The following MILR1 variants were observed in gnomAD, a reference collection of about 807,000 sequenced individuals.
MILR1 encodes the protein mast cell immunoglobulin like receptor 1.
Under a neutral mutation model 18.5 loss-of-function variants are expected in MILR1, and 31 were observed. That is an observed-to-expected ratio of 1.68 (90% CI 1.26 to 2.26). The LOEUF (loss-of-function observed/expected upper bound fraction) is 2.26, where lower values mean the gene tolerates loss of function less well. Among genes scored for constraint, MILR1 ranks in the 30% most tolerant of loss-of-function variants. The pLI, the probability that MILR1 is intolerant of heterozygous loss-of-function variation, is 0.00. For synonymous variants in MILR1, 85 were observed against 56.2 expected (o/e 1.51, Z -2.30); for missense variants, 257 against 157.4 (o/e 1.63, Z -3.38).
chr17:64,464,149 T>TCTCA, intron 5 of MILR1, among the ~76,000 whole-genome samples: 1 of 125,690 alleles, frequency 8.0e-6, no homozygotes, highest in South Asian at 2.5e-4. Context: ...TGAGACAGGA[T>TCTCA]CTCACTTCCA....
At chr17:64,483,999 G>A in the MILR1 span, 1 of 152,280 alleles carries the variant, frequency 6.6e-6, no homozygotes, top group Admixed American at 6.5e-5. Flanking sequence ...ATAGGCGTGA[G>A]CCATTCAGCC....
chr17:64,455,809 G>A (rs1177002622), intron 3 of MILR1, among the ~76,000 whole-genome samples: 11 of 151,822 alleles, frequency 7.2e-5, no homozygotes, highest in Non-Finnish European at 1.6e-4. Flanking sequence ...GAGGTTGAGT[G>A]GGGGCAGATC....
At chr17:64,452,980 TGCGA>T in intron 3 of MILR1, 114 bp downstream of exon 3, 1 of 415,410 alleles carries the variant, frequency 2.4e-6, no homozygotes, top group Admixed American at 4.3e-5. Context: ...AGTATGTTAC[TGCGA>T]GCTTTATTCT....
At chr17:64,473,602 A>G (rs782631224), downstream of MILR1, among the ~76,000 whole-genome samples, 24 of 152,328 alleles carry the variant, frequency 1.6e-4, no homozygotes, top group Non-Finnish European at 2.1e-4. Context: ...TAGAAAAATT[A>G]GACACCTAAG....
Position 64,452,757 on chromosome 17 carries a change from G to A in MILR1, c.258G>A (p.Ala86=), listed in dbSNP as rs2037202272. The part of the protein sequence containing the change: ...LGTQDGKGEP[A]IFNLSITEAH... Reference sequence around the variant, plus strand: ...CCCAGGATGGAAAAGGTGAACCTGCGATTTTTAACCTAAGCATCACAGAAG... The same window carrying A: ...CCCAGGATGGAAAAGGTGAACCTGCAATTTTTAACCTAAGCATCACAGAAG... The change falls in exon 3 of 10, where the codon GCG becomes GCA. Residue 86 remains alanine, a synonymous_variant. Transcript: ENST00000619286. The A allele has an allele frequency of 2.1e-6, 1 of 475,144 alleles. No individual in the cohort carries two copies. Among genetic ancestry groups the A allele is most frequent in the African/African-American group, 2.0e-5 (1 of 50,482 alleles). 29.4% of individuals were successfully genotyped at this position (475,144 alleles called of 1,614,324 possible). A position where few individuals can be genotyped will look rare whatever the true frequency, so the allele number is the denominator to read the frequency against.
the MILR1 span, chr17:64,497,185 T>C: frequency 3.2e-6 from 2 of 620,210 alleles, no homozygotes; most frequent in Admixed American, 2.7e-5. Flanking sequence ...GGTTCTCTGC[T>C]AGCTTGCCGT....
the MILR1 span, chr17:64,496,436 G>T: frequency 6.3e-7 from 1 of 1,587,892 alleles, no homozygotes; most frequent in Non-Finnish European, 8.6e-7. Flanking sequence ...TAGTTTCCCA[G>T]AAGTTTTTAA....
At chr17:64,451,736 G>C (rs57000341) in intron 2 of MILR1, among the ~76,000 whole-genome samples, 56,600 of 151,354 alleles carry the variant, frequency 0.37, 10,866 homozygotes, top group Middle Eastern at 0.58. Context: ...AGTTCAAGAC[G>C]AGCCTGGACA....
the MILR1 span, among the ~76,000 whole-genome samples, chr17:64,475,287 A>G: frequency 6.6e-6 from 1 of 152,092 alleles, no homozygotes; most frequent in Non-Finnish European, 1.5e-5. Context: ...ATAATCCAGC[A>G]TTTATCCTAC....
chr17:64,488,476 G>A, the MILR1 span, among the ~76,000 whole-genome samples: 1 of 152,052 alleles, frequency 6.6e-6, no homozygotes, highest in Non-Finnish European at 1.5e-5. Context: ...GCAGAGGCAG[G>A]AGAACAGCTT....
At position 64,466,606 on chromosome 17, in the gene MILR1, C is replaced by T; in HGVS notation, c.923C>T (p.Ser308Phe). Residue 308 changes from serine to phenylalanine, a missense_variant, in exon 8 of 10, where the codon TCC becomes TTC. Coordinates refer to ENST00000619286, the MANE Select transcript of MILR1 (RefSeq NM_001085423.2). ...ATCTTTTGCCCAGAGGCCAAACACT[C>T]CCAGGAGCTACAGTATGCCACCCCC... ...VSTAQDEAKH[S>F]QELQYATPVF... The T allele has an allele frequency of 3.1e-6, 5 of 1,611,392 alleles. No homozygotes were observed. Among genetic ancestry groups the T allele is most frequent in the Non-Finnish European group, 4.2e-6 (5 of 1,178,796 alleles).
rs192858168 is a variant in MILR1 at position 64,466,461 on chromosome 17, A to C, written c.873A>C (p.Glu291Asp). ...EKQAKEESVPEVGSRPCVSTA... is the reference protein window; with the variant it reads ...EKQAKEESVPDVGSRPCVSTA... ...TTACAGAGGAGGAATCTGTGCCAGAAGTGGGATCCAGGCCGTGTGTTTCCA... is the reference window on the plus strand; with the variant it reads ...TTACAGAGGAGGAATCTGTGCCAGACGTGGGATCCAGGCCGTGTGTTTCCA... Residue 291 changes from glutamate to aspartate, a missense_variant, in exon 7 of 10, where the codon GAA (glutamate) becomes GAC (aspartate). Glu to Asp is a conservative substitution (Grantham distance 45). Coordinates refer to ENST00000619286, the MANE Select transcript of MILR1 (RefSeq NM_001085423.2). 6.2e-7 allele frequency: 1 copy of C among 1,613,790 alleles called. No individual in the cohort carries two copies. The highest frequency in any genetic ancestry group is 2.2e-5 in the East Asian group (1 of 44,888).
At chr17:64,492,904 C>G in the MILR1 span, 1 of 1,614,082 alleles carries the variant, frequency 6.2e-7, no homozygotes, top group South Asian at 1.1e-5. Flanking sequence ...CCTTTTAACA[C>G]CATTTCGTAT....
chr17:64,486,150 T>G, the MILR1 span, among the ~76,000 whole-genome samples: 1 of 152,174 alleles, frequency 6.6e-6, no homozygotes, highest in Non-Finnish European at 1.5e-5. Flanking sequence ...ACGAAGACGA[T>G]AAAGATGCAT....
At chr17:64,480,378 C>A in the MILR1 span, 12 of 1,553,134 alleles carry the variant, frequency 7.7e-6, no homozygotes, top group Non-Finnish European at 1.1e-5. Context: ...CATTAAATAG[C>A]CCTTGACAAA....
the MILR1 span, among the ~76,000 whole-genome samples, chr17:64,479,109 A>G: frequency 1.8e-3 from 277 of 151,938 alleles, 1 homozygote; most frequent in Non-Finnish European, 2.4e-3. Context: ...CTGCCCCTTC[A>G]TTTTACACAT....
At position 64,468,445 on chromosome 17, in the gene MILR1, C is replaced by G; in HGVS notation, c.*164C>G. On this transcript the variant is annotated 3_prime_UTR_variant, in exon 10 of 10. Transcript: ENST00000619286. The stretch of plus-strand genomic sequence containing the variant: ...CTGGGATTACAGGTGCCCGCTACCA[C>G]GCCCAGCTAATTTTTGTATTTTTAG... 2.7e-6 allele frequency: 1 copy of G among 374,086 alleles called. No homozygotes were observed. The highest frequency in any genetic ancestry group is 5.2e-6 in the Non-Finnish European group (1 of 194,086). The allele number at this position is 374,086 out of a possible 1,614,324, so 23.2% of individuals were successfully genotyped here.
chr17:64,455,140 T>C (rs2037261028), intron 3 of MILR1, among the ~76,000 whole-genome samples: 1 of 152,172 alleles, frequency 6.6e-6, no homozygotes, highest in African/African-American at 2.4e-5. Context: ...ACACAGCTGA[T>C]GGTATTCTCT....
intron 2 of MILR1, among the ~76,000 whole-genome samples, chr17:64,449,707 G>A (rs1434470101): frequency 2.0e-5 from 3 of 152,132 alleles, no homozygotes; most frequent in African/African-American, 4.8e-5. Context: ...AGGCTAATGG[G>A]GTAGGATTGC....
Sources: gnomAD v4.1 joint callset for allele counts (sites outside exome capture counted in the v4.1 genomes callset) on GRCh38, gnomAD v4.1.1 for gene constraint, MANE v1.5 for transcripts, NCBI Gene and HGNC (gene_info 2026-07-23, HGNC 2026-07-21) for gene names.